The following FRMPD3 variants were observed in gnomAD, a reference collection of about 807,000 sequenced individuals.
FRMPD3 encodes FERM and PDZ domain containing 3, also known as FERM and PDZ domain-containing protein 3.
FRMPD3 carries 42 observed loss-of-function variants against 97.9 expected under a neutral mutation model. The observed-to-expected ratio is 0.43, with a 90% CI of 0.34 to 0.55. FRMPD3 has a LOEUF of 0.55. Among genes scored for constraint, FRMPD3 ranks in the 20% least tolerant of loss-of-function variants. The pLI, the probability that FRMPD3 is intolerant of heterozygous loss-of-function variation, is 0.03. For synonymous variants in FRMPD3, 577 were observed against 581.1 expected, an observed-to-expected ratio of 0.99 and a Z score of 0.10; for missense variants, 1,303 against 1,457.7, an observed-to-expected ratio of 0.89 and a Z score of 1.73.
chrX:107,504,225 G>A (rs1047828619), intron 1 of FRMPD3, among the ~76,000 whole-genome samples: 7 of 113,005 alleles, frequency 6.2e-5, no homozygotes, highest in African/African-American at 1.9e-4. Flanking sequence ...CTGACTGCAG[G>A]TGCCTTGGCT....
At chrX:107,478,098 G>A (rs774723685) in intron 1 of FRMPD3, among the ~76,000 whole-genome samples, 18 of 111,816 alleles carry the variant, frequency 1.6e-4, no homozygotes, top group African/African-American at 4.5e-4. Flanking sequence ...ACAGACTATG[G>A]TTAGAGCTAA....
At position 107,598,137 on chromosome X, in the gene FRMPD3, C is replaced by G. The variant is rs1924302931; in HGVS notation, c.2258C>G (p.Thr753Ser). 8.3e-7 allele frequency: 1 copy of G among 1,199,245 alleles called. No homozygotes were observed. Among genetic ancestry groups the G allele is most frequent in the Non-Finnish European group, 1.1e-6 (1 of 886,817 alleles). The stretch of plus-strand genomic sequence containing the variant: ...GGACCACACCCACCACCCCCACAGA[C>G]TGCAGGTAATGACCGATTCCTTCTC... ...EDGPHPPPPQ[T>S]AGLIVLATIT... The change falls in exon 14 of 15, where the codon ACT becomes AGT. Residue 753 changes from threonine (T) to serine (S), a missense_variant. This residue lies in a region of FRMPD3 where 535 missense variants were observed against 618.6 expected (regional missense o/e 0.86). Transcript: ENST00000683843.
At chrX:107,514,345 C>G (rs1393366220) in intron 1 of FRMPD3, among the ~76,000 whole-genome samples, 1 of 110,727 alleles carries the variant, frequency 9.0e-6, no homozygotes, top group Non-Finnish European at 1.9e-5. Context: ...CTGATATGGA[C>G]TTTTTGCAAT....
chrX:107,560,256 G>C lies in FRMPD3; in HGVS notation c.763-1G>C. 1 of 1,207,941 alleles carries C rather than the reference G, an allele frequency of 8.3e-7. No homozygotes were observed. Among genetic ancestry groups the C allele is most frequent in the Non-Finnish European group, 1.1e-6 (1 of 894,639 alleles). ...TAGGTTTGGACTGCCCTCTCTCACAGAGTCGGAATGATGTTATTCGAGAAC... is the reference window on the plus strand; with the variant it reads ...TAGGTTTGGACTGCCCTCTCTCACACAGTCGGAATGATGTTATTCGAGAAC... On this transcript the variant is annotated splice_acceptor_variant, in intron 8 of 14. Coordinates refer to ENST00000683843, the MANE Select transcript of FRMPD3 (RefSeq NM_001388459.1). LOFTEE classifies it high-confidence loss of function.
At position 107,603,741 on chromosome X, in the gene FRMPD3, C is replaced by T. The variant is rs754673914; in HGVS notation, c.*368C>T. 36 of 151,959 alleles carry T rather than the reference C, an allele frequency of 2.4e-4. No homozygotes were observed. Among genetic ancestry groups the T allele is most frequent in the Middle Eastern group, 5.7e-3 (2 of 349 alleles). The allele number at this position is 151,959 out of a possible 1,213,427, so 12.5% of individuals were successfully genotyped here. ...TGGGGGAGCCAGGGCCTGAAGCAAG[C>T]GGACCCTCAGGCTTTGAGCTCCTCG... On this transcript the variant is annotated 3_prime_UTR_variant, in exon 15 of 15. Coordinates refer to ENST00000683843, the MANE Select transcript of FRMPD3 (RefSeq NM_001388459.1).
At chrX:107,547,967 A>C (rs531963518) in intron 5 of FRMPD3, among the ~76,000 whole-genome samples, 1 of 110,081 alleles carries the variant, frequency 9.1e-6, no homozygotes, top group South Asian at 3.9e-4. Context: ...CCAGGGAGTC[A>C]CACTCTTCCA....
intron 1 of FRMPD3, among the ~76,000 whole-genome samples, chrX:107,516,569 G>T (rs184716140): frequency 0.12 from 13,138 of 110,995 alleles, 1,735 homozygotes; most frequent in African/African-American, 0.38. Flanking sequence ...ATCGCCATTC[G>T]AACTGGTGTG....
intron 4 of FRMPD3, among the ~76,000 whole-genome samples, chrX:107,539,353 C>T (rs1004145219): frequency 8.9e-6 from 1 of 112,006 alleles, no homozygotes; most frequent in Admixed American, 9.5e-5. Context: ...TTTGAATTAC[C>T]AACTAGTCCT....
In FRMPD3 at chrX:107,600,832, C is replaced by A; in HGVS notation, c.2793C>A (p.Asp931Glu). 8.3e-7 allele frequency: 1 copy of A among 1,209,209 alleles called. No homozygotes were observed. The highest frequency in any genetic ancestry group is 1.1e-6 in the Non-Finnish European group (1 of 894,586). ...AAGAGCAGGTCTCTGAGCTGAGGGA[C>A]AACCTGCCCAAGGAGGTCAGGTTGA... ...LSEEQVSELR[D>E]NLPKEVRLSP... The change falls in exon 15 of 15, where the codon GAC becomes GAA. Residue 931 changes from aspartate to glutamate, a missense_variant. This residue lies in a region of FRMPD3 where 764 missense variants were observed against 820.2 expected (regional missense o/e 0.93). Transcript: ENST00000683843.
In FRMPD3 at chrX:107,550,172, T is replaced by A. The variant is rs748282796; in HGVS notation, c.510+16T>A. On this transcript the variant is annotated intron_variant, in intron 6 of 14. Transcript: ENST00000683843. ...CACTGTTAAGGTACATACAGTCTCCTCCCCCTGGTCAGCATTGCCCTCTCC... is the reference window on the plus strand; with the variant it reads ...CACTGTTAAGGTACATACAGTCTCCACCCCCTGGTCAGCATTGCCCTCTCC... 3 of 1,058,216 alleles carry A rather than the reference T, an allele frequency of 2.8e-6. No individual in the cohort carries two copies. The East Asian group carries it at 9.2e-5, about 32-fold the overall frequency. The allele number at this position is 1,058,216 out of a possible 1,213,427, so 87.2% of individuals were successfully genotyped here. A position where few individuals can be genotyped will look rare whatever the true frequency, so the allele number is the denominator to read the frequency against.
rs143547990 is a variant in FRMPD3 at position 107,511,025 on chromosome X, C to T, written c.-7-15557C>T. On this transcript the variant is annotated intron_variant, in intron 1 of 14. Transcript: ENST00000683843. ...GGAGCAGGTAGACATCTAGGCAAAGCGTTGAGATAGATGTGCCTTTCTCTG... is the reference window on the plus strand; with the variant it reads ...GGAGCAGGTAGACATCTAGGCAAAGTGTTGAGATAGATGTGCCTTTCTCTG... Among the ~76,000 whole-genome samples the T allele has an allele frequency of 2.6e-3, 296 of 112,307 alleles. 2 individuals carry two copies. The highest frequency in any genetic ancestry group is 4.8e-3 in the Non-Finnish European group (257 of 53,212).
chrX:107,550,347 C>G lies in FRMPD3; in HGVS notation c.510+191C>G, dbSNP rs753162546. Among the ~76,000 whole-genome samples, 22 of 112,059 alleles carry G rather than the reference C, an allele frequency of 2.0e-4. No individual in the cohort carries two copies. In the East Asian group the frequency reaches 6.2e-3, roughly 32 times the overall value. Reference sequence around the variant, plus strand: ...AGATGAGAGTGGTGGTAGAAGTTTGCATGCCCAACTGTGTGCTAGTAATTG... The same window carrying G: ...AGATGAGAGTGGTGGTAGAAGTTTGGATGCCCAACTGTGTGCTAGTAATTG... On this transcript the variant is annotated intron_variant, in intron 6 of 14. Coordinates refer to ENST00000683843, the MANE Select transcript of FRMPD3 (RefSeq NM_001388459.1).
intron 1 of FRMPD3, among the ~76,000 whole-genome samples, chrX:107,514,972 T>C (rs1048931776): frequency 5.3e-4 from 59 of 111,634 alleles, no homozygotes; most frequent in African/African-American, 1.9e-3. Context: ...TGCCATATGC[T>C]GAGATGAGGA....
intron 1 of FRMPD3, among the ~76,000 whole-genome samples, chrX:107,473,231 C>T (rs753185269): frequency 8.9e-6 from 1 of 112,096 alleles, no homozygotes; most frequent in South Asian, 3.8e-4. Flanking sequence ...TCTGGCCTTT[C>T]TCTCTTTTTC....
At chrX:107,478,536 C>T (rs998071948) in intron 1 of FRMPD3, among the ~76,000 whole-genome samples, 2 of 111,769 alleles carry the variant, frequency 1.8e-5, no homozygotes, top group Non-Finnish European at 3.8e-5. Context: ...AAAAGAAAAC[C>T]GTGTGTTCTC....
intron 4 of FRMPD3, among the ~76,000 whole-genome samples, chrX:107,540,328 A>G (rs1436345501): frequency 8.9e-6 from 1 of 112,100 alleles, no homozygotes; most frequent in East Asian, 2.8e-4. Flanking sequence ...CAGAAGGGCA[A>G]ATCAGTCAAA....
At position 107,601,742 on chromosome X, in the gene FRMPD3, C is replaced by A. The variant is rs777303211; in HGVS notation, c.3703C>A (p.Arg1235=). The part of the protein sequence containing the change: ...PTRQKKETDE[R]QAQLQKVKQY... ...CCGCCAGAAGAAGGAGACAGATGAG[C>A]GGCAGGCCCAACTGCAGAAGGTAAA... The change falls in exon 15 of 15, where the codon CGG becomes AGG. Residue 1235 remains arginine, a synonymous_variant. Coordinates refer to ENST00000683843, the MANE Select transcript of FRMPD3 (RefSeq NM_001388459.1). The A allele has an allele frequency of 2.5e-6, 3 of 1,211,067 alleles. No individual in the cohort carries two copies. The South Asian group carries it at 5.3e-5, about 21-fold the overall frequency.
rs1460510117 is a variant in FRMPD3, at chrX:107,603,209, CAG to C, written c.5171_5172del (p.Gln1724ProfsTer53). 1.1e-5 allele frequency: 13 copies of C among 1,157,100 alleles called. No homozygotes were observed. Among genetic ancestry groups the C allele is most frequent in the Non-Finnish European group, 1.5e-5 (13 of 868,939 alleles). On this transcript the variant is annotated frameshift_variant, in exon 15 of 15. Transcript: ENST00000683843. LOFTEE classifies it high-confidence loss of function. ...TAACCAGCAGCAGCAGCAACAACAA[CAG>C]CAGCAGCAGCAACAACAACAGCAGC... ...NLNQQQQQQQ[Q>X]QQQQQQQQQQ...
intron 1 of FRMPD3, among the ~76,000 whole-genome samples, chrX:107,495,985 T>C (rs73521102): frequency 0.02 from 2,238 of 111,941 alleles, 51 homozygotes; most frequent in African/African-American, 0.069. Flanking sequence ...CTCTTCCTTG[T>C]GTGATCTTTA....
Sources: gnomAD v4.1 joint callset for allele counts (sites outside exome capture counted in the v4.1 genomes callset) on GRCh38, gnomAD v4.1.1 for gene constraint, gnomAD v4.1.1 regional missense constraint, MANE v1.5 for transcripts, NCBI Gene and HGNC (gene_info 2026-07-23, HGNC 2026-07-21) for gene names.